The following ZFHX3 variants were observed in gnomAD, a reference collection of about 807,000 sequenced individuals.
ZFHX3 encodes zinc finger homeobox protein 3.
A neutral mutation model predicts 279.1 loss-of-function variants in ZFHX3; 42 were observed. The observed-to-expected ratio is 0.15, with a 90% CI of 0.12 to 0.19. ZFHX3 has a LOEUF of 0.19. Ranked by LOEUF, ZFHX3 falls within the 10% of genes least tolerant of loss-of-function variation. The pLI is 1.00. For missense variants in ZFHX3, 4,981 were observed against 4,754.0 expected, an observed-to-expected ratio of 1.05 and a Z score of -1.40; for synonymous variants, 2,293 against 1,957.8, an observed-to-expected ratio of 1.17 and a Z score of -4.52.
chr16:73,145,823 A>G (rs972181510), intron 5 of ZFHX3, among the ~76,000 whole-genome samples: 9 of 152,242 alleles, frequency 5.9e-5, no homozygotes, highest in African/African-American at 1.2e-4. Flanking sequence ...TCCAGAATGA[A>G]TTGAAAAATA....
chr16:72,886,487 C>T (rs2038624825), intron 4 of ZFHX3, among the ~76,000 whole-genome samples: 1 of 152,178 alleles, frequency 6.6e-6, no homozygotes, highest in Non-Finnish European at 1.5e-5. Context: ...AAACAGGGAA[C>T]TGTTTGTTCC....
chr16:73,363,004 G>A (rs557741833), intron 3 of ZFHX3, among the ~76,000 whole-genome samples: 4 of 152,358 alleles, frequency 2.6e-5, no homozygotes, highest in Admixed American at 1.3e-4. Flanking sequence ...ATTCCATCAA[G>A]AGGTGGAGTC....
chr16:73,709,907 C>T (rs2053342051), intron 1 of ZFHX3, among the ~76,000 whole-genome samples: 1 of 152,102 alleles, frequency 6.6e-6, no homozygotes, highest in Non-Finnish European at 1.5e-5. Context: ...TTTGGCCGGG[C>T]GTGGTGGCTC....
chr16:73,869,172 T>G (rs998852741), intron 1 of ZFHX3, among the ~76,000 whole-genome samples: 1 of 152,210 alleles, frequency 6.6e-6, no homozygotes, highest in African/African-American at 2.4e-5. Flanking sequence ...ATTGTACAAC[T>G]TTTGAAACAC....
chr16:73,807,619 A>ATTTTTTTTTTTTTTTT (rs1960314019), intron 1 of ZFHX3, among the ~76,000 whole-genome samples: 1 of 93,702 alleles, frequency 1.1e-5, no homozygotes, highest in African/African-American at 5.9e-5. Flanking sequence ...ACCATGCCCC[A>ATTTTTTTTTTTTTTTT]ATTTTTTTTT....
intron 1 of ZFHX3, among the ~76,000 whole-genome samples, chr16:73,000,155 G>C (rs1897119779): frequency 6.6e-6 from 1 of 152,166 alleles, no homozygotes; most frequent in African/African-American, 2.4e-5. Flanking sequence ...CAGAAGAACA[G>C]AGCAGGCACC....
intron 3 of ZFHX3, among the ~76,000 whole-genome samples, chr16:73,448,278 A>C (rs531508709): frequency 6.6e-6 from 1 of 152,356 alleles, no homozygotes; most frequent in Non-Finnish European, 1.5e-5. Context: ...GAGAAAATAC[A>C]ACCCAAGGGA....
intron 3 of ZFHX3, among the ~76,000 whole-genome samples, chr16:73,444,978 A>C (rs948474528): frequency 2.1e-5 from 3 of 144,526 alleles, no homozygotes; most frequent in Admixed American, 1.4e-4. Flanking sequence ...AAAAAAAAAA[A>C]AAACAAATTA....
intron 1 of ZFHX3, among the ~76,000 whole-genome samples, chr16:73,709,992 G>C (rs569027840): frequency 4.0e-5 from 6 of 151,486 alleles, no homozygotes; most frequent in African/African-American, 1.5e-4. Flanking sequence ...GACCAGTCTG[G>C]CCAACATGGT....
rs1015538696 is a variant in ZFHX3 at position 72,795,253 on chromosome 16, G to A, written c.7429C>T (p.Leu2477=). Residue 2477 remains leucine (L), a synonymous_variant, in exon 9 of 10, where the codon CTG becomes TTG. Transcript: ENST00000268489. ...PQQKLPQLVS[L]PSLPQPPPQA... ...GGAGGAGGCTGTGGCAACGAAGGCA[G>A]GGACACCAGCTGGGGGAGCTTCTGC... 2 of 1,611,982 alleles carry A rather than the reference G, an allele frequency of 1.2e-6. No homozygotes were observed. The highest frequency in any genetic ancestry group is 2.7e-5 in the African/African-American group (2 of 74,764).
intron 3 of ZFHX3, among the ~76,000 whole-genome samples, chr16:72,945,977 C>G (rs1244753554): frequency 6.6e-6 from 1 of 152,182 alleles, no homozygotes; most frequent in Admixed American, 6.5e-5. Flanking sequence ...CATTGTCTGA[C>G]TTCACCTACA....
chr16:72,958,107 T>C lies in ZFHX3; in HGVS notation c.2039A>G (p.Tyr680Cys). 1 of 1,614,186 alleles carries C rather than the reference T, an allele frequency of 6.2e-7. No individual in the cohort carries two copies. Among genetic ancestry groups the C allele is most frequent in the Non-Finnish European group, 8.5e-7 (1 of 1,180,032 alleles). The part of the protein sequence containing the change: ...TLKCPKCNWH[Y>C]KYQQTLEAHM... ...TGCCTCCAGGGTCTGCTGGTACTTATAGTGCCAGTTGCACTTGGGGCACTT... is the reference window on the plus strand; with the variant it reads ...TGCCTCCAGGGTCTGCTGGTACTTACAGTGCCAGTTGCACTTGGGGCACTT... Residue 680 changes from tyrosine to cysteine, a missense_variant, in exon 2 of 10, where the codon TAT (tyrosine) becomes TGT (cysteine). By Grantham distance (194) the Tyr-to-Cys change is radical. Transcript: ENST00000268489.
chr16:73,253,246 T>C (rs1052490298), intron 5 of ZFHX3, among the ~76,000 whole-genome samples: 2 of 152,006 alleles, frequency 1.3e-5, no homozygotes, highest in Admixed American at 1.3e-4. Flanking sequence ...GAGGAATACT[T>C]AGGGAGTTCA....
intron 4 of ZFHX3, among the ~76,000 whole-genome samples, chr16:72,837,055 C>A (rs1013244509): frequency 4.6e-5 from 7 of 152,194 alleles, no homozygotes; most frequent in Admixed American, 3.3e-4. Context: ...ATGGGCCTCC[C>A]GCACTCCTGC....
chr16:73,375,341 G>C (rs1000892137), intron 3 of ZFHX3, among the ~76,000 whole-genome samples: 2 of 152,006 alleles, frequency 1.3e-5, no homozygotes, highest in Admixed American at 1.3e-4. Flanking sequence ...AAAATGTTCT[G>C]GCCTCATCTT....
Position 72,919,777 on chromosome 16 carries a change from C to CTTTTTTTT in ZFHX3, c.3217-29823_3217-29816dup, listed in dbSNP as rs532405250. On this transcript the variant is annotated intron_variant, in intron 3 of 9. Coordinates refer to ENST00000268489, the MANE Select transcript of ZFHX3 (RefSeq NM_006885.4). ...CAACTAAAACATGTATATGCACCATCTTTTTTTTTTTTTTTTTTTTTTTTT... is the reference window on the plus strand; with the variant it reads ...CAACTAAAACATGTATATGCACCATCTTTTTTTTTTTTTTTTTTTTTTTTTTTTTTTTT... Among the ~76,000 whole-genome samples, 389 of 42,292 alleles carry CTTTTTTTT rather than the reference C, an allele frequency of 9.2e-3. 132 individuals carry two copies. Among genetic ancestry groups the CTTTTTTTT allele is most frequent in the African/African-American group, 0.023 (217 of 9,516 alleles). The allele number at this position is 42,292 out of a possible 152,430, so 27.7% of individuals were successfully genotyped here.
At chr16:73,057,690 C>T (rs62055081) in intron 1 of ZFHX3, among the ~76,000 whole-genome samples, 3,993 of 151,874 alleles carry the variant, frequency 0.026, 49 homozygotes, top group East Asian at 0.041. Flanking sequence ...CCCCTAGTGT[C>T]CAGGGCAGAG....
At chr16:73,105,436 C>T (rs563175432) in intron 7 of ZFHX3, among the ~76,000 whole-genome samples, 4,071 of 83,916 alleles carry the variant, frequency 0.049, 158 homozygotes, top group South Asian at 0.18. Context: ...TATATATACA[C>T]ACACACACAT....
chr16:73,151,157 G>A (rs1284414337), intron 5 of ZFHX3, among the ~76,000 whole-genome samples: 1 of 152,162 alleles, frequency 6.6e-6, no homozygotes, highest in Non-Finnish European at 1.5e-5. Context: ...AAATAGATGA[G>A]TGATTGCTAA....
Sources: allele counts gnomAD v4.1 joint callset (sites outside exome capture counted in the v4.1 genomes callset), GRCh38; gene constraint gnomAD v4.1.1; transcripts MANE v1.5; gene names NCBI Gene and HGNC (gene_info 2026-07-23, HGNC 2026-07-21).